TDRD7: variants seen among roughly 807,000 people sequenced by gnomAD.
The protein encoded by TDRD7 is tudor domain-containing protein 7.
TDRD7 carries 47 observed loss-of-function variants against 109.8 expected under a neutral mutation model. That is an observed-to-expected ratio of 0.43 (90% CI 0.34 to 0.55). TDRD7 has a LOEUF of 0.55. Among genes scored for constraint, TDRD7 ranks in the 20% least tolerant of loss-of-function variants. The probability of loss-of-function intolerance (pLI) is 0.03; values close to 1 mark genes in which losing one functional copy is unlikely to be tolerated. For missense variants in TDRD7, 1,164 were observed against 1,319.2 expected (o/e 0.88, Z 1.82); for synonymous variants, 424 against 457.3 (o/e 0.93, Z 0.93).
At chr9:97,476,922 G>C (rs1259151051) in intron 12 of TDRD7, among the ~76,000 whole-genome samples, 1 of 152,102 alleles carries the variant, frequency 6.6e-6, no homozygotes, top group East Asian at 1.9e-4. Context: ...GAGAGTAGCA[G>C]TTTTGAAGTA....
chr9:97,495,572 G>A (rs1249486843), intron 16 of TDRD7, 91 bp from the exon 17 acceptor site: 2 of 1,269,310 alleles, frequency 1.6e-6, no homozygotes, highest in East Asian at 4.6e-5. Flanking sequence ...AAGTTACTTT[G>A]GAATTGACTA....
chr9:97,488,559 G>GT (rs1235052958), intron 16 of TDRD7, among the ~76,000 whole-genome samples: 6 of 44,800 alleles, frequency 1.3e-4, no homozygotes, highest in Non-Finnish European at 2.7e-4. Context: ...CAGATTTAAT[G>GT]GTTTTTTTTT....
intron 6 of TDRD7, among the ~76,000 whole-genome samples, chr9:97,457,648 G>C (rs957008552): frequency 1.4e-4 from 22 of 152,106 alleles, no homozygotes; most frequent in African/African-American, 5.3e-4. Flanking sequence ...AAAGTGCTGG[G>C]ATTACAGGTG....
intron 1 of TDRD7, among the ~76,000 whole-genome samples, chr9:97,427,783 G>C (rs1244040413): frequency 3.3e-5 from 5 of 152,078 alleles, no homozygotes. Flanking sequence ...CTAAGGCCCT[G>C]TATTGTGGTC....
At chr9:97,451,065 C>T (rs1025604176) in intron 6 of TDRD7, among the ~76,000 whole-genome samples, 4 of 151,962 alleles carry the variant, frequency 2.6e-5, no homozygotes, top group South Asian at 2.1e-4. Context: ...TTAGGTTGAT[C>T]GCCAGTGGCC....
At chr9:97,475,214 G>A (rs1384988336) in intron 11 of TDRD7, among the ~76,000 whole-genome samples, 169 bp from the exon 12 acceptor site, 1 of 152,210 alleles carries the variant, frequency 6.6e-6, no homozygotes, top group Non-Finnish European at 1.5e-5. Context: ...AAATGTATGA[G>A]TAACAAGACA....
chr9:97,447,769 T>C (rs763892687), intron 6 of TDRD7, among the ~76,000 whole-genome samples: 1 of 152,192 alleles, frequency 6.6e-6, no homozygotes, highest in Non-Finnish European at 1.5e-5. Context: ...CAATGCACAT[T>C]GAAAGCCACA....
intron 1 of TDRD7, among the ~76,000 whole-genome samples, chr9:97,425,145 G>A (rs1340588826): frequency 2.0e-5 from 3 of 152,040 alleles, no homozygotes; most frequent in Admixed American, 6.5e-5. Flanking sequence ...TGATGGGAAT[G>A]TCTGTATCTT....
intron 13 of TDRD7, among the ~76,000 whole-genome samples, chr9:97,479,618 T>A (rs1829081383): frequency 6.6e-6 from 1 of 151,894 alleles, no homozygotes; most frequent in Admixed American, 6.6e-5. Context: ...TGGTTGGGAG[T>A]ACTTTAAAAG....
chr9:97,455,801 A>G (rs1442438049), intron 6 of TDRD7, among the ~76,000 whole-genome samples: 4 of 152,202 alleles, frequency 2.6e-5, no homozygotes, highest in Non-Finnish European at 5.9e-5. Flanking sequence ...CCTATTCAAC[A>G]TAGTGTTGGA....
chr9:97,429,713 A>G (rs576988052), intron 2 of TDRD7, among the ~76,000 whole-genome samples: 24 of 152,326 alleles, frequency 1.6e-4, no homozygotes, highest in African/African-American at 5.3e-4. Flanking sequence ...TGCACCTTGT[A>G]ATACATCCGT....
Position 97,464,859 on chromosome 9 carries a change from A to G in TDRD7, c.1460A>G (p.Tyr487Cys), listed in dbSNP as rs1382896131. Residue 487 changes from tyrosine to cysteine, a missense_variant, in exon 8 of 17, where the codon TAT (tyrosine) becomes TGT (cysteine). Transcript: ENST00000355295. Reference protein sequence around the residue: ...EVVIRYVGKDYSAAQELMEDE... With the variant: ...EVVIRYVGKDCSAAQELMEDE... The stretch of plus-strand genomic sequence containing the variant: ...TGATTCAGGTATGTGGGCAAAGACT[A>G]TTCTGCTGCTCAGGAATTAATGGAA... 3 of 1,614,064 alleles carry G rather than the reference A, an allele frequency of 1.9e-6. No homozygotes were observed. The highest frequency in any genetic ancestry group is 1.7e-6 in the Non-Finnish European group (2 of 1,180,020).
chr9:97,434,062 A>G (rs1238628979), intron 4 of TDRD7, among the ~76,000 whole-genome samples: 1 of 152,194 alleles, frequency 6.6e-6, no homozygotes, highest in Non-Finnish European at 1.5e-5. Context: ...CTGCACGCCC[A>G]TGTTCATTGC....
chr9:97,452,817 T>G (rs1262144681), intron 6 of TDRD7, among the ~76,000 whole-genome samples: 1 of 152,224 alleles, frequency 6.6e-6, no homozygotes, highest in Non-Finnish European at 1.5e-5. Context: ...CCAACTCAAG[T>G]GGACATAACG....
intron 6 of TDRD7, among the ~76,000 whole-genome samples, chr9:97,451,701 C>G (rs1212015344): frequency 1.3e-5 from 2 of 152,210 alleles, no homozygotes; most frequent in African/African-American, 4.8e-5. Flanking sequence ...TCCAGGTGGT[C>G]AGAAGTTCCA....
At chr9:97,417,152 C>T (rs1264938639) in intron 1 of TDRD7, among the ~76,000 whole-genome samples, 1 of 151,922 alleles carries the variant, frequency 6.6e-6, no homozygotes. Context: ...GTACAAAAGC[C>T]CTGTTGTGAG....
At chr9:97,450,989 C>T (rs927193136) in intron 6 of TDRD7, among the ~76,000 whole-genome samples, 11 of 151,254 alleles carry the variant, frequency 7.3e-5, no homozygotes, top group South Asian at 6.3e-4. Flanking sequence ...GAAAGACCAA[C>T]GCATGATTAG....
At chr9:97,460,154 A>G in intron 6 of TDRD7, 24 bp from the exon 7 acceptor site, 1 of 1,600,540 alleles carries the variant, frequency 6.2e-7, no homozygotes, top group Non-Finnish European at 8.6e-7. Flanking sequence ...AATATCTGTC[A>G]TTTGCTTTAT....
intron 16 of TDRD7, among the ~76,000 whole-genome samples, chr9:97,494,938 T>C (rs1375466616): frequency 6.6e-6 from 1 of 152,162 alleles, no homozygotes; most frequent in Non-Finnish European, 1.5e-5. Context: ...CTCGAACTCC[T>C]GAGCTCAAGA....
Sources: gnomAD v4.1 joint callset for allele counts (sites outside exome capture counted in the v4.1 genomes callset) on GRCh38, gnomAD v4.1.1 for gene constraint, MANE v1.5 for transcripts, NCBI Gene and HGNC (gene_info 2026-07-23, HGNC 2026-07-21) for gene names.